Variants in TMEM232 observed in about 807,000 individuals in gnomAD.
The protein encoded by TMEM232 is transmembrane protein 232.
In TMEM232, 80 loss-of-function variants were observed where a neutral mutation model predicts 78.8. That is an observed-to-expected ratio of 1.01 (90% CI 0.85 to 1.22). The LOEUF (loss-of-function observed/expected upper bound fraction) is 1.22, where lower values mean the gene tolerates loss of function less well. TMEM232 is among the 50% of genes most tolerant of loss of function. The pLI, the probability that TMEM232 is intolerant of heterozygous loss-of-function variation, is 0.00. For synonymous variants in TMEM232, 297 were observed against 254.3 expected, an observed-to-expected ratio of 1.17 and a Z score of -1.60; for missense variants, 881 against 742.2, an observed-to-expected ratio of 1.19 and a Z score of -2.17.
intron 1 of TMEM232, among the ~76,000 whole-genome samples, chr5:110,673,464 A>C (rs1791624510): frequency 6.6e-6 from 1 of 152,106 alleles, no homozygotes; most frequent in African/African-American, 2.4e-5. Context: ...TAAAAAAAAA[A>C]GGTAGAGTTA....
At position 110,590,808 on chromosome 5, in the gene TMEM232, G is replaced by A. The variant is rs146418651; in HGVS notation, c.1276+14301C>T. Among the ~76,000 whole-genome samples, 390 of 152,186 alleles carry A rather than the reference G, an allele frequency of 2.6e-3. 2 individuals are homozygous for A. Among genetic ancestry groups the A allele is most frequent in the African/African-American group, 8.8e-3 (365 of 41,532 alleles). ...GGGAAGCCTCAGGAAACTTATAATC[G>A]TGGTGGAAGGGGAAGCAAGCACCTT... On this transcript the variant is annotated intron_variant, in intron 10 of 13. Transcript: ENST00000455884.
Position 110,531,542 on chromosome 5 carries a change from A to G in TMEM232, c.1456-2707T>C, listed in dbSNP as rs139956787. On this transcript the variant is annotated intron_variant, in intron 11 of 13. Transcript: ENST00000455884. ...ATCCCTCAATCTCTTTCGCCTTTCA[A>G]TCTTGGCGCCACACTTCAATCTCTC... 2.1e-3 allele frequency among the ~76,000 whole-genome samples: 327 copies of G among 152,206 alleles called. 2 individuals are homozygous for G. The highest frequency in any genetic ancestry group is 7.5e-3 in the African/African-American group (311 of 41,534).
At chr5:110,529,831 C>T (rs1771164206) in intron 11 of TMEM232, among the ~76,000 whole-genome samples, 1 of 152,030 alleles carries the variant, frequency 6.6e-6, no homozygotes, top group African/African-American at 2.4e-5. Context: ...CAGGAATCAG[C>T]AATAATAAAT....
upstream of TMEM232, among the ~76,000 whole-genome samples, chr5:110,730,003 T>C (rs550288058): frequency 4.6e-5 from 7 of 152,332 alleles, no homozygotes; most frequent in South Asian, 4.1e-4. Flanking sequence ...CTGAGTGCTC[T>C]TATATAGCAC....
At chr5:110,670,288 A>C (rs1791184867) in intron 1 of TMEM232, among the ~76,000 whole-genome samples, 3 of 152,230 alleles carry the variant, frequency 2.0e-5, no homozygotes, top group Admixed American at 6.5e-5. Flanking sequence ...GCAAAGTCTC[A>C]GGATACAAAA....
intron 11 of TMEM232, among the ~76,000 whole-genome samples, chr5:110,535,437 G>T (rs557029777): frequency 6.6e-6 from 1 of 152,026 alleles, no homozygotes; most frequent in South Asian, 2.1e-4. Context: ...GACTCAGCCC[G>T]CCTGCACCCA....
chr5:110,472,610 A>G (rs1033590615), intron 12 of TMEM232, among the ~76,000 whole-genome samples: 1 of 151,888 alleles, frequency 6.6e-6, no homozygotes, highest in African/African-American at 2.4e-5. Context: ...TTGAGCAAAC[A>G]AAACCAAAAC....
In TMEM232 at chr5:110,667,223, C is replaced by T. The variant is rs1790712080; in HGVS notation, c.125+5G>A. On this transcript the variant is annotated splice_donor_5th_base_variant and intron_variant, in intron 2 of 13. Coordinates refer to ENST00000455884, the MANE Select transcript of TMEM232 (RefSeq NM_001039763.4). ...TATGGGTCCTATAATTATTTTCTAG[C>T]TTACCTTGATTTATGACCCCTTTCT... is the stretch of plus-strand genomic sequence containing the variant. 6.5e-7 allele frequency: 1 copy of T among 1,539,130 alleles called. No individual in the cohort carries two copies.
chr5:110,491,672 C>A (rs1765112771), intron 12 of TMEM232, among the ~76,000 whole-genome samples: 2 of 151,626 alleles, frequency 1.3e-5, no homozygotes, highest in African/African-American at 2.4e-5. Flanking sequence ...TTTTAGAAAC[C>A]TTCCATTAAT....
At chr5:110,449,138 CA>C (rs1198790022) in intron 12 of TMEM232, among the ~76,000 whole-genome samples, 8 of 151,874 alleles carry the variant, frequency 5.3e-5, no homozygotes, top group African/African-American at 1.9e-4. Flanking sequence ...TATTTTCAGA[CA>C]AAGTGGAATT....
rs1246331679 is a variant in TMEM232 at position 110,714,901 on chromosome 5, A to G, written c.-13+11726T>C. On this transcript the variant is annotated intron_variant, in intron 1 of 13. Transcript: ENST00000455884. ...ATCTGAAGATCCTAAATTCCATGAT[A>G]ATGCTGGGGTGATTTTAGGAGAATT... Among the ~76,000 whole-genome samples the G allele has an allele frequency of 3.3e-5, 5 of 152,184 alleles. No homozygotes were observed. The East Asian group carries it at 9.6e-4, about 29-fold the overall frequency.
At chr5:110,445,456 A>G (rs1475665811) in intron 12 of TMEM232, among the ~76,000 whole-genome samples, 1 of 152,166 alleles carries the variant, frequency 6.6e-6, no homozygotes, top group Admixed American at 6.6e-5. Flanking sequence ...TATGTTTAAG[A>G]ACAAAATAAT....
chr5:110,476,185 A>G (rs2149385634), intron 12 of TMEM232, among the ~76,000 whole-genome samples: 1 of 152,136 alleles, frequency 6.6e-6, no homozygotes, highest in South Asian at 2.1e-4. Flanking sequence ...CTGCAGCCCT[A>G]ATTCACAGTA....
chr5:110,602,912 C>G (rs139332580), intron 10 of TMEM232, among the ~76,000 whole-genome samples: 5,221 of 152,148 alleles, frequency 0.034, 130 homozygotes, highest in African/African-American at 0.065. Flanking sequence ...CAATAATTGA[C>G]TGGATAAAGA....
At chr5:110,711,218 T>C (rs903315286) in intron 1 of TMEM232, among the ~76,000 whole-genome samples, 3 of 152,092 alleles carry the variant, frequency 2.0e-5, no homozygotes, top group African/African-American at 7.2e-5. Flanking sequence ...GAAAGATCTC[T>C]CTAATGAAAA....
chr5:110,629,249 T>C (rs1307652994), intron 5 of TMEM232, among the ~76,000 whole-genome samples: 1 of 152,014 alleles, frequency 6.6e-6, no homozygotes, highest in African/African-American at 2.4e-5. Flanking sequence ...AAAAAAAATA[T>C]AATATTCAAA....
chr5:110,643,631 T>C (rs1040817516), intron 2 of TMEM232, among the ~76,000 whole-genome samples: 2 of 152,076 alleles, frequency 1.3e-5, no homozygotes, highest in African/African-American at 4.8e-5. Flanking sequence ...GGAGTCATGC[T>C]ATTGGAAAGA....
At chr5:110,610,506 GA>G in intron 8 of TMEM232, 1 of 455,590 alleles carries the variant, frequency 2.2e-6, no homozygotes, top group African/African-American at 2.0e-5. Flanking sequence ...ACAAGACCTT[GA>G]AAAAATGTAG....
upstream of TMEM232, among the ~76,000 whole-genome samples, chr5:110,727,546 T>C (rs1798279698): frequency 6.6e-6 from 1 of 151,876 alleles, no homozygotes; most frequent in African/African-American, 2.4e-5. Flanking sequence ...GAGATGGAGG[T>C]TGCAGTGAGC....
Sources: gnomAD v4.1 joint callset for allele counts (sites outside exome capture counted in the v4.1 genomes callset) on GRCh38, gnomAD v4.1.1 for gene constraint, MANE v1.5 for transcripts, NCBI Gene and HGNC (gene_info 2026-07-23, HGNC 2026-07-21) for gene names.